The following NEDD1 variants were observed in gnomAD, a reference collection of about 807,000 sequenced individuals.
NEDD1 encodes protein NEDD1.
NEDD1 carries 33 observed loss-of-function variants against 74.0 expected under a neutral mutation model. The ratio of observed to expected loss-of-function variants is 0.45; its 90% CI spans 0.34 to 0.60. NEDD1 has a LOEUF of 0.60. Among genes scored for constraint, NEDD1 ranks in the 20% least tolerant of loss-of-function variants. The pLI, the probability that NEDD1 is intolerant of heterozygous loss-of-function variation, is 0.01. For missense variants in NEDD1, 746 were observed against 776.5 expected (o/e 0.96, Z 0.47); for synonymous variants, 250 against 264.4 (o/e 0.95, Z 0.53).
intron 9 of NEDD1, among the ~76,000 whole-genome samples, chr12:96,939,825 C>T (rs1877487854): frequency 6.6e-6 from 1 of 151,990 alleles, no homozygotes; most frequent in African/African-American, 2.4e-5. Context: ...TTTGCTTCCT[C>T]TTTGAAACTA....
rs1235606033 is a variant in NEDD1 at position 96,953,738 on chromosome 12, G to C, written c.*1685G>C. 6.6e-6 allele frequency: 1 copy of C among 151,550 alleles called. No homozygotes were observed. Among genetic ancestry groups the C allele is most frequent in the Non-Finnish European group, 1.5e-5 (1 of 67,766 alleles). 9.4% of individuals were successfully genotyped at this position (151,550 alleles called of 1,614,324 possible). On this transcript the variant is annotated 3_prime_UTR_variant, in exon 16 of 16. Transcript: ENST00000266742. ...CATTGTTGGCCAAAATGATATGAGAGATTTACCTTCCCACCTGAAATTAAA... is the reference window on the plus strand; with the variant it reads ...CATTGTTGGCCAAAATGATATGAGACATTTACCTTCCCACCTGAAATTAAA...
intron 6 of NEDD1, among the ~76,000 whole-genome samples, chr12:96,932,463 A>AAAAAAAAAAAATAT: frequency 1.1e-4 from 1 of 9,438 alleles, no homozygotes; most frequent in African/African-American, 3.4e-4. Flanking sequence ...AAAAAAAAAA[A>AAAAAAAAAAAATAT]ATATATATAT....
At chr12:96,928,864 T>C (rs1192147292) in intron 6 of NEDD1, among the ~76,000 whole-genome samples, 2 of 151,532 alleles carry the variant, frequency 1.3e-5, no homozygotes, top group African/African-American at 4.8e-5. Flanking sequence ...TTTTTTGTAG[T>C]TTTTGTAGTA....
chr12:96,927,930 T>G (rs1875889847), intron 6 of NEDD1, among the ~76,000 whole-genome samples: 1 of 152,162 alleles, frequency 6.6e-6, no homozygotes, highest in African/African-American at 2.4e-5. Flanking sequence ...AATGTTTATA[T>G]GATAACATTT....
chr12:96,921,304 C>T (rs1200490593), intron 6 of NEDD1, among the ~76,000 whole-genome samples: 1 of 152,150 alleles, frequency 6.6e-6, no homozygotes, highest in Admixed American at 6.5e-5. Flanking sequence ...GTCTCAGTCT[C>T]CCAAGTAACT....
chr12:96,949,434 G>A (rs548625662), intron 14 of NEDD1, among the ~76,000 whole-genome samples: 14 of 152,170 alleles, frequency 9.2e-5, no homozygotes, highest in Non-Finnish European at 1.9e-4. Flanking sequence ...TTGTTTAAAA[G>A]CATTAACATT....
intron 4 of NEDD1, among the ~76,000 whole-genome samples, chr12:96,914,432 C>T (rs1354661525): frequency 1.3e-5 from 2 of 152,088 alleles, no homozygotes; most frequent in Non-Finnish European, 1.5e-5. Flanking sequence ...CCCTCTTTCC[C>T]ATAGTTAACA....
chr12:96,934,381 CAA>C (rs1876864918), intron 6 of NEDD1, among the ~76,000 whole-genome samples: 1 of 151,754 alleles, frequency 6.6e-6, no homozygotes, highest in Non-Finnish European at 1.5e-5. Flanking sequence ...AATAAAATGA[CAA>C]ATATTAATAG....
chr12:96,943,637 C>T lies in NEDD1; in HGVS notation c.1372C>T (p.His458Tyr), dbSNP rs991251443. Residue 458 changes from histidine (H) to tyrosine (Y), a missense_variant, in exon 12 of 16, where the codon CAT (histidine) becomes TAT (tyrosine). By Grantham distance (83) the His-to-Tyr change is moderately conservative. Transcript: ENST00000266742. ...AGTAACTTCAAGTACTTCAGTATTG[C>T]ATTCTAGTCCTCTTAATGTTTTTAT... ...NPVTSSTSVL[H>Y]SSPLNVFMGS... The T allele has an allele frequency of 6.2e-7, 1 of 1,610,878 alleles. No individual in the cohort carries two copies. Among genetic ancestry groups the T allele is most frequent in the African/African-American group, 1.3e-5 (1 of 74,824 alleles).
At chr12:96,933,856 A>G (rs1174161715) in intron 6 of NEDD1, among the ~76,000 whole-genome samples, 1 of 152,228 alleles carries the variant, frequency 6.6e-6, no homozygotes, top group Non-Finnish European at 1.5e-5. Flanking sequence ...TGACAGTAAC[A>G]TTTTAGTAAA....
At chr12:96,908,183 A>T (rs571390766) in intron 2 of NEDD1, among the ~76,000 whole-genome samples, 65 of 152,356 alleles carry the variant, frequency 4.3e-4, no homozygotes, top group Non-Finnish European at 8.5e-4. Flanking sequence ...ACATCTCTGC[A>T]GGTGACTTTA....
chr12:96,923,056 G>A (rs1273079200), intron 6 of NEDD1, among the ~76,000 whole-genome samples: 1 of 152,102 alleles, frequency 6.6e-6, no homozygotes, highest in Non-Finnish European at 1.5e-5. Flanking sequence ...GGTTGAGGCT[G>A]CAGTGAGTTC....
In NEDD1 at chr12:96,937,403, G is replaced by A. The variant is rs1877236722; in HGVS notation, c.1117+10G>A. On this transcript the variant is annotated intron_variant, in intron 9 of 15. Transcript: ENST00000266742. Reference sequence around the variant, plus strand: ...GTTCAAGAAAAAGCAGGTAAATGTTGCTTATATATTGTTGGAGGGTTGGTT... The same window carrying A: ...GTTCAAGAAAAAGCAGGTAAATGTTACTTATATATTGTTGGAGGGTTGGTT... 5.3e-6 allele frequency: 8 copies of A among 1,496,130 alleles called. No individual in the cohort carries two copies. The East Asian group carries it at 1.2e-4, about 23-fold the overall frequency. The allele number at this position is 1,496,130 out of a possible 1,614,324, so 92.7% of individuals were successfully genotyped here. A position where few individuals can be genotyped will look rare whatever the true frequency, so the allele number is the denominator to read the frequency against.
chr12:96,915,260 G>A (rs994125748), intron 4 of NEDD1, among the ~76,000 whole-genome samples: 1 of 152,170 alleles, frequency 6.6e-6, no homozygotes, highest in East Asian at 1.9e-4. Flanking sequence ...TTTCCTTGAA[G>A]CATTTTTGAC....
chr12:96,945,891 GTTT>G, intron 14 of NEDD1, 42 bp downstream of exon 14: 1 of 1,144,368 alleles, frequency 8.7e-7, no homozygotes, highest in Non-Finnish European at 1.2e-6. Flanking sequence ...GACCTTACTT[GTTT>G]TTTTTTTAGA....
chr12:96,928,431 C>A (rs1875951268), intron 6 of NEDD1, among the ~76,000 whole-genome samples: 6 of 152,084 alleles, frequency 3.9e-5, no homozygotes, highest in Admixed American at 3.9e-4. Context: ...TTTGAGAGTA[C>A]AAGTTCTCTT....
chr12:96,911,399 G>C (rs1418718664), intron 3 of NEDD1, among the ~76,000 whole-genome samples: 1 of 152,142 alleles, frequency 6.6e-6, no homozygotes, highest in Non-Finnish European at 1.5e-5. Flanking sequence ...CAGTTTTCTT[G>C]CATGAGCAGA....
chr12:96,944,395 A>G, intron 12 of NEDD1, among the ~76,000 whole-genome samples: 1 of 151,880 alleles, frequency 6.6e-6, no homozygotes, highest in East Asian at 1.9e-4. Flanking sequence ...ATGATACTTA[A>G]CAGCAGGTGC....
intron 9 of NEDD1, 117 bp from the exon 10 acceptor site, chr12:96,940,292 T>C (rs971317638): frequency 3.8e-6 from 2 of 531,532 alleles, no homozygotes; most frequent in Non-Finnish European, 6.6e-6. Flanking sequence ...ATTCTCCTTA[T>C]GCTCATAGTT....
Sources: allele counts gnomAD v4.1 joint callset (sites outside exome capture counted in the v4.1 genomes callset), GRCh38; gene constraint gnomAD v4.1.1; transcripts MANE v1.5; gene names NCBI Gene and HGNC (gene_info 2026-07-23, HGNC 2026-07-21).